USB1: variants seen among roughly 807,000 people sequenced by gnomAD.
The protein encoded by USB1 is U6 snRNA phosphodiesterase 1.
Under a neutral mutation model 29.9 loss-of-function variants are expected in USB1, and 21 were observed. That is an observed-to-expected ratio of 0.70 (90% CI 0.50 to 1.01). The LOEUF is 1.01. Among genes scored for constraint, USB1 ranks in the 50% least tolerant of loss-of-function variants. USB1 has a pLI of 0.00. For synonymous variants in USB1, 143 were observed against 134.9 expected (o/e 1.06, Z -0.42); for missense variants, 330 against 347.1 (o/e 0.95, Z 0.39).
At chr16:58,012,521 A>T in intron 3 of USB1, 2 of 1,271,242 alleles carry the variant, frequency 1.6e-6, no homozygotes, top group Non-Finnish European at 2.1e-6. Context: ...TTCCTTTGTC[A>T]CAATGACGAA....
Position 58,002,521 on chromosome 16 carries a change from C to T in USB1, c.141C>T (p.Asp47=). The change falls in exon 2 of 7, where the codon GAC becomes GAT. Residue 47 remains aspartate, a synonymous_variant. Transcript: ENST00000219281. Reference sequence around the variant, plus strand: ...CCAGGCAGAGATTTCCAGTACCTGACAGTGTGCTGAACATGTTCCCGGGCA... The same window carrying T: ...CCAGGCAGAGATTTCCAGTACCTGATAGTGTGCTGAACATGTTCCCGGGCA... ...PLPRQRFPVP[D]SVLNMFPGTE... is the part of the protein sequence containing the mutation. 1.9e-6 allele frequency: 3 copies of T among 1,614,104 alleles called. No individual in the cohort carries two copies. The highest frequency in any genetic ancestry group is 2.2e-5 in the South Asian group (2 of 91,088).
intron 2 of USB1, among the ~76,000 whole-genome samples, chr16:58,007,505 A>G (rs544410594): frequency 7.2e-5 from 11 of 151,968 alleles, no homozygotes; most frequent in African/African-American, 2.2e-4. Context: ...CCTCAGCCTC[A>G]TGAGTAGCTG....
intron 3 of USB1, 121 bp downstream of exon 3, chr16:58,010,233 C>T (rs1490127436): frequency 1.7e-6 from 2 of 1,202,940 alleles, no homozygotes; most frequent in South Asian, 1.3e-5. Context: ...CACGGCCCCT[C>T]TCCTGGGGCT....
At chr16:58,000,811 T>C (rs2142287225), upstream of USB1, among the ~76,000 whole-genome samples, 2 of 151,940 alleles carry the variant, frequency 1.3e-5, no homozygotes, top group Middle Eastern at 3.4e-3. This position sits in a 1 kb window ranked among gnomAD's most constrained non-coding sequence, Gnocchi z 4.5. Flanking sequence ...CCGGGCCAGG[T>C]CGGACAAGCC....
chr16:58,018,629 C>T (rs890695730), intron 5 of USB1, among the ~76,000 whole-genome samples: 19 of 152,050 alleles, frequency 1.2e-4, no homozygotes, highest in African/African-American at 4.6e-4. Context: ...AGTGCCCAAG[C>T]TCTCTGTGAT....
At chr16:58,018,230 T>C (rs928546966) in intron 5 of USB1, among the ~76,000 whole-genome samples, 17 of 150,824 alleles carry the variant, frequency 1.1e-4, no homozygotes, top group African/African-American at 3.9e-4. Context: ...ATGTCTTTTT[T>C]TTTTTTTTTT....
chr16:58,011,749 T>G, intron 3 of USB1: 2 of 987,624 alleles, frequency 2.0e-6, no homozygotes, highest in Non-Finnish European at 2.4e-6. Context: ...CGTTCCTGTG[T>G]CCATCTTCCT....
chr16:58,011,362 A>C, intron 3 of USB1: 2 of 1,239,378 alleles, frequency 1.6e-6, no homozygotes, highest in South Asian at 3.0e-5. Flanking sequence ...ACCAGACCCC[A>C]CTTCTGGTTT....
At chr16:58,017,249 C>A in intron 4 of USB1, 85 bp from the exon 5 acceptor site, 1 of 1,292,682 alleles carries the variant, frequency 7.7e-7, no homozygotes. Flanking sequence ...GCCTCTTGGC[C>A]TTCTGCCTGG....
chr16:58,017,641 A>T (rs751588117), intron 5 of USB1, among the ~76,000 whole-genome samples: 27 of 152,218 alleles, frequency 1.8e-4, no homozygotes, highest in Non-Finnish European at 3.2e-4. Context: ...CCAAAGTCCA[A>T]CATTTCTTAG....
At position 58,005,506 on chromosome 16, in the gene USB1, C is replaced by G. The variant is rs532436667; in HGVS notation, c.265+2861C>G. Among the ~76,000 whole-genome samples, 743 of 152,270 alleles carry G rather than the reference C, an allele frequency of 4.9e-3. 4 individuals carry two copies. Among genetic ancestry groups the G allele is most frequent in the Middle Eastern group, 0.01 (3 of 294 alleles). ...TCTTCTGGTCACTTCTCACTATGTCCCCTCAGCTCCTATCTCTGTATGGCC... is the reference window on the plus strand; with the variant it reads ...TCTTCTGGTCACTTCTCACTATGTCGCCTCAGCTCCTATCTCTGTATGGCC... On this transcript the variant is annotated intron_variant, in intron 2 of 6. Transcript: ENST00000219281.
intron 2 of USB1, among the ~76,000 whole-genome samples, chr16:58,003,782 G>T (rs971277485): frequency 6.6e-6 from 1 of 152,058 alleles, no homozygotes; most frequent in Non-Finnish European, 1.5e-5. Flanking sequence ...ATATTATGAT[G>T]TGGGTCTAAT....
At chr16:58,005,179 T>C (rs530751864) in intron 2 of USB1, among the ~76,000 whole-genome samples, 1 of 152,286 alleles carries the variant, frequency 6.6e-6, no homozygotes, top group African/African-American at 2.4e-5. Flanking sequence ...ACTAGGAGCA[T>C]GACCACTGAA....
At position 58,020,575 on chromosome 16, in the gene USB1, C is replaced by G. The variant is rs1963717647; in HGVS notation, c.*330C>G. 6.7e-6 allele frequency: 2 copies of G among 299,190 alleles called. No homozygotes were observed. The highest frequency in any genetic ancestry group is 1.2e-5 in the Non-Finnish European group (2 of 165,768). 18.5% of individuals were successfully genotyped at this position (299,190 alleles called of 1,614,324 possible). On this transcript the variant is annotated 3_prime_UTR_variant, in exon 7 of 7. Coordinates refer to ENST00000219281, the MANE Select transcript of USB1 (RefSeq NM_024598.4). ...TCTCCTCCCCTCCTCTCTTCCTCTCCTCTCTCTTCCTCTCCTCTCTCTACC... is the reference window on the plus strand; with the variant it reads ...TCTCCTCCCCTCCTCTCTTCCTCTCGTCTCTCTTCCTCTCCTCTCTCTACC...
At chr16:58,014,084 TG>T (rs1279741545) in intron 3 of USB1, 188 bp from the exon 4 acceptor site, 3 of 596,234 alleles carry the variant, frequency 5.0e-6, no homozygotes, top group Non-Finnish European at 9.0e-6. Context: ...TTACTCGGGC[TG>T]GGTGATTTTA....
chr16:58,012,798 T>G, intron 3 of USB1: 2 of 1,001,960 alleles, frequency 2.0e-6, no homozygotes, highest in Non-Finnish European at 2.4e-6. Context: ...GAAGACAGCA[T>G]GAACTGCACC....
At chr16:58,014,673 C>T (rs1055415895) in intron 4 of USB1, among the ~76,000 whole-genome samples, 5 of 152,092 alleles carry the variant, frequency 3.3e-5, no homozygotes, top group African/African-American at 4.8e-5. Flanking sequence ...GTTCCAGCTA[C>T]TTGGGAGGCT....
chr16:58,016,125 G>A (rs1963609683), intron 4 of USB1: 1 of 152,716 alleles, frequency 6.5e-6, no homozygotes, highest in African/African-American at 2.4e-5. Context: ...TTGTCCAGGT[G>A]AGGGACCATT....
upstream of USB1, chr16:58,000,453 C>T (rs1476475157): frequency 6.7e-6 from 1 of 150,110 alleles, no homozygotes. The surrounding 1 kb of genome is among the most constrained non-coding windows in gnomAD (Gnocchi z 4.5). Context: ...ACCAGCTGCT[C>T]TCTCGGCCGC....
Sources: gnomAD v4.1 joint callset for allele counts (sites outside exome capture counted in the v4.1 genomes callset) on GRCh38, gnomAD v4.1.1 for gene constraint, Gnocchi (gnomAD v3.1) non-coding constraint, MANE v1.5 for transcripts, NCBI Gene and HGNC (gene_info 2026-07-23, HGNC 2026-07-21) for gene names.